Variants in CPA6 observed in about 807,000 individuals in gnomAD.
CPA6 encodes the protein carboxypeptidase B.
Under a neutral mutation model 63.3 loss-of-function variants are expected in CPA6, and 58 were observed. The ratio of observed to expected loss-of-function variants is 0.92; its 90% CI spans 0.74 to 1.14. The LOEUF is 1.14. Ranked by LOEUF, CPA6 falls within the 50% of genes most tolerant of loss-of-function variation. CPA6 has a pLI of 0.00. For missense variants in CPA6, 565 were observed against 526.6 expected, an observed-to-expected ratio of 1.07 and a Z score of -0.71; for synonymous variants, 185 against 179.0, an observed-to-expected ratio of 1.03 and a Z score of -0.27.
intron 8 of CPA6, among the ~76,000 whole-genome samples, chr8:67,437,028 C>T (rs966917846): frequency 8.5e-5 from 13 of 152,152 alleles, no homozygotes; most frequent in Admixed American, 8.5e-4. Flanking sequence ...ATTGGGGTTT[C>T]CCTTCTTTGA....
intron 2 of CPA6, among the ~76,000 whole-genome samples, chr8:67,584,093 C>T (rs991391079): frequency 6.6e-5 from 10 of 152,060 alleles, no homozygotes; most frequent in South Asian, 2.1e-4. Context: ...GAGAATCAGA[C>T]GTTGTAGTGA....
At chr8:67,542,129 A>T (rs1188782941) in intron 2 of CPA6, among the ~76,000 whole-genome samples, 1 of 152,190 alleles carries the variant, frequency 6.6e-6, no homozygotes, top group Middle Eastern at 3.2e-3. Context: ...TTGCCAGCTA[A>T]CCTGATGTCA....
intron 2 of CPA6, among the ~76,000 whole-genome samples, chr8:67,620,602 G>A (rs1269784700): frequency 3.9e-5 from 6 of 152,126 alleles, no homozygotes; most frequent in Non-Finnish European, 7.3e-5. Context: ...GATGACACAC[G>A]GTCATATTCT....
intron 2 of CPA6, among the ~76,000 whole-genome samples, chr8:67,611,359 C>G (rs408802): frequency 1.3e-5 from 2 of 152,020 alleles, no homozygotes; most frequent in African/African-American, 4.8e-5. Flanking sequence ...GCTGGGATTA[C>G]AGGTGTGAGG....
intron 1 of CPA6, among the ~76,000 whole-genome samples, chr8:67,628,718 T>C (rs1437783943): frequency 1.3e-5 from 2 of 152,284 alleles, no homozygotes; most frequent in African/African-American, 4.8e-5. Context: ...TGATAAGTTC[T>C]TGGAAATTGT....
intron 1 of CPA6, among the ~76,000 whole-genome samples, chr8:67,707,170 T>A (rs1242532816): frequency 6.6e-6 from 1 of 152,210 alleles, no homozygotes; most frequent in Non-Finnish European, 1.5e-5. Flanking sequence ...TGCTCTTAAA[T>A]GCAGATTTCT....
At chr8:67,563,799 C>T (rs945965496) in intron 2 of CPA6, among the ~76,000 whole-genome samples, 4 of 152,164 alleles carry the variant, frequency 2.6e-5, no homozygotes, top group African/African-American at 9.7e-5. Context: ...TCCTTCAAGG[C>T]TGTCCTTGAT....
chr8:67,624,036 A>C, intron 2 of CPA6, 140 bp downstream of exon 2: 1 of 517,090 alleles, frequency 1.9e-6, no homozygotes, highest in Middle Eastern at 4.2e-4. Context: ...AAAATAAAAT[A>C]AAATAAAAGC....
intron 3 of CPA6, among the ~76,000 whole-genome samples, chr8:67,514,046 C>T (rs1278401561): frequency 2.6e-5 from 4 of 151,820 alleles, no homozygotes; most frequent in Non-Finnish European, 5.9e-5. Flanking sequence ...GCAACTCCAT[C>T]TTCCAAGTTC....
intron 2 of CPA6, among the ~76,000 whole-genome samples, chr8:67,613,596 C>T (rs1026302846): frequency 6.6e-6 from 1 of 152,208 alleles, no homozygotes; most frequent in Non-Finnish European, 1.5e-5. Flanking sequence ...CCCTACTTTA[C>T]AGATCAGGAA....
At chr8:67,603,022 C>T (rs1373861838) in intron 2 of CPA6, among the ~76,000 whole-genome samples, 5 of 152,122 alleles carry the variant, frequency 3.3e-5, no homozygotes, top group African/African-American at 1.2e-4. Context: ...CCAATGGTCT[C>T]ATTATAAGCA....
intron 4 of CPA6, 84 bp downstream of exon 4, chr8:67,511,457 A>C (rs935124046): frequency 2.6e-6 from 2 of 781,892 alleles, no homozygotes; most frequent in Non-Finnish European, 4.5e-6. Context: ...CCCTAGAAGC[A>C]TAAAACACAT....
chr8:67,632,174 G>A (rs1587653671), intron 1 of CPA6, among the ~76,000 whole-genome samples: 2 of 137,004 alleles, frequency 1.5e-5, no homozygotes, highest in African/African-American at 5.6e-5. Flanking sequence ...GTGTGTGTGT[G>A]TGTGTGTGTT....
At chr8:67,667,675 C>T (rs942342200) in intron 1 of CPA6, among the ~76,000 whole-genome samples, 14 of 152,196 alleles carry the variant, frequency 9.2e-5, no homozygotes, top group Non-Finnish European at 1.3e-4. Context: ...TTCTAACCCA[C>T]TGACTTTCCA....
chr8:67,433,630 T>C (rs1480989810), intron 9 of CPA6, among the ~76,000 whole-genome samples: 1 of 152,234 alleles, frequency 6.6e-6, no homozygotes, highest in Non-Finnish European at 1.5e-5. Context: ...CTTGCATACA[T>C]GACCAAAACT....
intron 9 of CPA6, among the ~76,000 whole-genome samples, chr8:67,430,899 T>C (rs1266266808): frequency 6.6e-6 from 1 of 152,106 alleles, no homozygotes; most frequent in Non-Finnish European, 1.5e-5. Context: ...TCTCACTCTG[T>C]CACCCAGGTC....
chr8:67,663,691 A>C (rs1245214035), intron 1 of CPA6, among the ~76,000 whole-genome samples: 1 of 152,170 alleles, frequency 6.6e-6, no homozygotes, highest in Non-Finnish European at 1.5e-5. Context: ...ATTCTTGCAA[A>C]GGACATGATC....
intron 1 of CPA6, among the ~76,000 whole-genome samples, chr8:67,681,016 A>G (rs1291515587): frequency 6.6e-6 from 1 of 151,984 alleles, no homozygotes; most frequent in Non-Finnish European, 1.5e-5. Flanking sequence ...TTTATCAAAT[A>G]TATGCATCAT....
At chr8:67,711,724 T>C (rs199632426) in intron 1 of CPA6, among the ~76,000 whole-genome samples, 41 of 120,918 alleles carry the variant, frequency 3.4e-4, no homozygotes, top group South Asian at 9.8e-4. Context: ...CACACACACA[T>C]CTGAAAGATG....
Sources: gnomAD v4.1 joint callset for allele counts (sites outside exome capture counted in the v4.1 genomes callset) on GRCh38, gnomAD v4.1.1 for gene constraint, MANE v1.5 for transcripts, NCBI Gene and HGNC (gene_info 2026-07-23, HGNC 2026-07-21) for gene names.